ADGRV1: variants seen among roughly 807,000 people sequenced by gnomAD.
ADGRV1 encodes the protein G-protein coupled receptor 98.
A neutral mutation model predicts 596.2 loss-of-function variants in ADGRV1; 359 were observed. That is an observed-to-expected ratio of 0.60 (90% CI 0.55 to 0.66). ADGRV1 has a LOEUF of 0.66. ADGRV1 is among the 30% of genes least tolerant of loss of function. The pLI, the probability that ADGRV1 is intolerant of heterozygous loss-of-function variation, is 0.00. For missense variants in ADGRV1, 7,274 were observed against 7,575.6 expected (o/e 0.96, Z 1.48); for synonymous variants, 2,681 against 2,679.2 (o/e 1.00, Z -0.02).
intron 45 of ADGRV1, among the ~76,000 whole-genome samples, chr5:90,722,114 G>A (rs1485973159): frequency 6.6e-6 from 1 of 152,130 alleles, no homozygotes; most frequent in Non-Finnish European, 1.5e-5. Flanking sequence ...GGATTTTGAA[G>A]ATATTATTCA....
At chr5:91,106,201 G>A (rs1048000811) in intron 87 of ADGRV1, among the ~76,000 whole-genome samples, 6 of 151,924 alleles carry the variant, frequency 3.9e-5, no homozygotes, top group Non-Finnish European at 8.8e-5. Context: ...GTTTCCTAGC[G>A]ACCTTTATTG....
At chr5:90,835,710 AG>A (rs1274591891) in intron 77 of ADGRV1, among the ~76,000 whole-genome samples, 2 of 152,208 alleles carry the variant, frequency 1.3e-5, no homozygotes, top group Non-Finnish European at 2.9e-5. Context: ...CTATTTTTCA[AG>A]TGCCAAAAGA....
intron 84 of ADGRV1, among the ~76,000 whole-genome samples, chr5:90,976,896 AT>A (rs2151017592): frequency 6.6e-6 from 1 of 152,358 alleles, no homozygotes; most frequent in South Asian, 2.1e-4. Flanking sequence ...CTACAGCTTA[AT>A]TGAAGAACAC....
chr5:90,878,086 G>T (rs1352197555), intron 83 of ADGRV1, among the ~76,000 whole-genome samples: 1 of 152,194 alleles, frequency 6.6e-6, no homozygotes, highest in Non-Finnish European at 1.5e-5. Context: ...TTCAGCGTGT[G>T]TAACTCTTTT....
At chr5:90,737,000 G>C (rs1382377359) in intron 50 of ADGRV1, among the ~76,000 whole-genome samples, 1 of 149,942 alleles carries the variant, frequency 6.7e-6, no homozygotes, top group Non-Finnish European at 1.5e-5. Flanking sequence ...TGTTAACTTT[G>C]GGCTTAGTTT....
chr5:90,946,646 G>T (rs1776602803), intron 83 of ADGRV1, among the ~76,000 whole-genome samples: 4 of 151,920 alleles, frequency 2.6e-5, no homozygotes, highest in African/African-American at 7.3e-5. Flanking sequence ...CCCAGTGTGT[G>T]TTGTTCCCCT....
chr5:90,918,883 G>A (rs867211790), intron 83 of ADGRV1, among the ~76,000 whole-genome samples: 4 of 152,158 alleles, frequency 2.6e-5, no homozygotes, highest in African/African-American at 7.2e-5. Context: ...CTTTAATTGT[G>A]TCTGTCCTTG....
chr5:90,912,487 G>A (rs1230215319), intron 83 of ADGRV1, among the ~76,000 whole-genome samples: 1 of 152,240 alleles, frequency 6.6e-6, no homozygotes, highest in South Asian at 2.1e-4. Flanking sequence ...TGTCACCCAG[G>A]TAGTAAGCAT....
intron 83 of ADGRV1, among the ~76,000 whole-genome samples, chr5:90,892,673 T>A (rs1257387591): frequency 1.3e-5 from 2 of 152,178 alleles, no homozygotes; most frequent in Non-Finnish European, 2.9e-5. Context: ...CACTCTTCTA[T>A]CTCCAGTTAG....
chr5:90,811,453 G>A, intron 74 of ADGRV1, 115 bp downstream of exon 74: 6 of 998,150 alleles, frequency 6.0e-6, no homozygotes, highest in Non-Finnish European at 8.5e-6. Context: ...TTATTCATAG[G>A]AATGCATTAA....
intron 1 of ADGRV1, among the ~76,000 whole-genome samples, chr5:90,561,383 A>G (rs748022338): frequency 3.9e-5 from 6 of 152,186 alleles, no homozygotes; most frequent in Non-Finnish European, 7.4e-5. Flanking sequence ...CACATATTTT[A>G]GTCACCTATA....
chr5:90,850,333 A>G (rs1766355365), intron 79 of ADGRV1, among the ~76,000 whole-genome samples: 1 of 152,156 alleles, frequency 6.6e-6, no homozygotes, highest in Non-Finnish European at 1.5e-5. Context: ...TAATGTGCAA[A>G]ATCAGAAAAG....
intron 83 of ADGRV1, among the ~76,000 whole-genome samples, chr5:90,878,472 G>C (rs933765037): frequency 3.9e-5 from 6 of 152,204 alleles, no homozygotes; most frequent in African/African-American, 7.2e-5. Context: ...AAGTGGTTTA[G>C]AACACCACTA....
intron 1 of ADGRV1, among the ~76,000 whole-genome samples, chr5:90,597,023 A>G (rs904809210): frequency 6.6e-6 from 1 of 152,256 alleles, no homozygotes; most frequent in Non-Finnish European, 1.5e-5. Flanking sequence ...CATCTTCACT[A>G]TGTGGACACA....
chr5:90,947,228 TAACA>T (rs1776652966), intron 83 of ADGRV1, among the ~76,000 whole-genome samples: 1 of 152,194 alleles, frequency 6.6e-6, no homozygotes, highest in South Asian at 2.1e-4. Context: ...TGCATTTCTC[TAACA>T]ATCAGTGATA....
intron 87 of ADGRV1, among the ~76,000 whole-genome samples, chr5:91,106,034 T>C (rs1397145951): frequency 1.3e-5 from 2 of 151,872 alleles, no homozygotes; most frequent in East Asian, 1.9e-4. Context: ...TATGAATCTA[T>C]TTATAAAATT....
chr5:90,807,708 G>A lies in ADGRV1; in HGVS notation c.14943G>A (p.Gln4981=). 6.3e-7 allele frequency: 1 copy of A among 1,587,748 alleles called. No homozygotes were observed. The highest frequency in any genetic ancestry group is 8.6e-7 in the Non-Finnish European group (1 of 1,162,508). ...EAFVLHLSGV[Q]SSAPGGAQLR... ...TTGTTCTTCACCTATCAGGAGTGCA[G>A]AGCAGTGCTCCTGGCGGAGCTCAAC... is the stretch of plus-strand genomic sequence containing the variant. Residue 4981 remains glutamine (Q), a synonymous_variant, in exon 73 of 90, where the codon CAG becomes CAA. Transcript: ENST00000405460.
intron 52 of ADGRV1, among the ~76,000 whole-genome samples, chr5:90,749,663 C>T (rs976642438): frequency 6.6e-6 from 1 of 152,162 alleles, no homozygotes; most frequent in Admixed American, 6.5e-5. Flanking sequence ...TCTTTACACT[C>T]CATATTCTTG....
chr5:90,807,231 T>G (rs933367718), intron 72 of ADGRV1, among the ~76,000 whole-genome samples: 6 of 152,202 alleles, frequency 3.9e-5, no homozygotes, highest in Non-Finnish European at 7.3e-5. Context: ...ATACATAGAT[T>G]ATGATATTTC....
Sources: allele counts gnomAD v4.1 joint callset (sites outside exome capture counted in the v4.1 genomes callset), GRCh38; gene constraint gnomAD v4.1.1; transcripts MANE v1.5; gene names NCBI Gene and HGNC (gene_info 2026-07-23, HGNC 2026-07-21).